GTF2B: variants seen among roughly 807,000 people sequenced by gnomAD.
GTF2B encodes the protein general transcription factor IIB.
In GTF2B, 20 loss-of-function variants were observed where a neutral mutation model predicts 34.6. The observed-to-expected ratio is 0.58, with a 90% confidence interval of 0.41 to 0.84. The LOEUF (loss-of-function observed/expected upper bound fraction) is 0.84, where lower values mean the gene tolerates loss of function less well. GTF2B is among the 40% of genes least tolerant of loss of function. The probability of loss-of-function intolerance (pLI) is 0.00; values close to 1 mark genes in which losing one functional copy is unlikely to be tolerated. For missense variants in GTF2B, 237 were observed against 393.3 expected (o/e 0.60, Z 3.36); for synonymous variants, 142 against 132.4 (o/e 1.07, Z -0.50).
chr1:88,869,125 G>A (rs1183809025), intron 2 of GTF2B, among the ~76,000 whole-genome samples: 1 of 148,880 alleles, frequency 6.7e-6, no homozygotes, highest in African/African-American at 2.6e-5. Context: ...AACATGTACA[G>A]ACATTTTTTT....
chr1:88,882,883 T>C (rs1231428149), intron 2 of GTF2B, among the ~76,000 whole-genome samples: 1 of 152,210 alleles, frequency 6.6e-6, no homozygotes, highest in East Asian at 1.9e-4. Context: ...CAACTGAAGG[T>C]TAGATGGAAC....
rs773437858 is a variant in GTF2B, at chr1:88,891,488, G to A, written c.12C>T (p.Thr4=). ...GCTCGGCGGGACATACTAACCGGCT[G>A]GTAGACGCCATCTTCACGGCGACTG... MAS[T]SRLDALPRVT... is the part of the protein sequence containing the mutation. Residue 4 remains threonine, a synonymous_variant, in exon 1 of 7, where the codon ACC becomes ACT. Transcript: ENST00000370500. 2 of 1,602,768 alleles carry A rather than the reference G, an allele frequency of 1.2e-6. No homozygotes were observed. Among genetic ancestry groups the A allele is most frequent in the South Asian group, 1.1e-5 (1 of 89,686 alleles).
At chr1:88,868,980 C>T (rs982368423) in intron 2 of GTF2B, among the ~76,000 whole-genome samples, 5 of 152,118 alleles carry the variant, frequency 3.3e-5, no homozygotes, top group African/African-American at 1.2e-4. Flanking sequence ...ACCTCGTGAT[C>T]CGCCCACCTC....
Position 88,857,470 on chromosome 1 carries a change from G to A in GTF2B, c.553C>T (p.Arg185Ter), listed in dbSNP as rs763288295. Residue 185 changes from arginine (R) to a stop codon, truncating the protein, a stop_gained, in exon 6 of 7, where the codon CGA (arginine) becomes TGA (stop). Transcript: ENST00000370500. LOFTEE classifies it high-confidence loss of function. Reference protein sequence around the residue: ...RTFKEICAVSRISKKEIGRCF... With the variant: ...RTFKEICAVS Reference sequence around the variant, plus strand: ...CGACCAATTTCTTTCTTAGAAATTCGTGATACGGCACATATTTCTAAAAGA... The same window carrying A: ...CGACCAATTTCTTTCTTAGAAATTCATGATACGGCACATATTTCTAAAAGA... The A allele has an allele frequency of 3.2e-6, 5 of 1,580,012 alleles. No individual in the cohort carries two copies. Among genetic ancestry groups the A allele is most frequent in the Non-Finnish European group, 2.6e-6 (3 of 1,149,838 alleles).
chr1:88,890,157 T>TAAC (rs557631965), intron 1 of GTF2B, among the ~76,000 whole-genome samples: 1 of 141,310 alleles, frequency 7.1e-6, no homozygotes, highest in African/African-American at 2.6e-5. Context: ...ATGATAGAAT[T>TAAC]AAAAAAAAAA....
rs1454371017 is a variant in GTF2B at position 88,884,876 on chromosome 1, C to CA, written c.124+2384dup. 2.0e-5 allele frequency among the ~76,000 whole-genome samples: 3 copies of CA among 152,200 alleles called. No homozygotes were observed. In the East Asian group the frequency reaches 5.8e-4, roughly 29 times the overall value. On this transcript the variant is annotated intron_variant, in intron 2 of 6. Transcript: ENST00000370500. ...CACCATGCCTTAAAAGCATGACATT[C>CA]AAAGTTAACTTTTCTTGTTTTGGTG...
chr1:88,875,087 A>C (rs1673789803), intron 2 of GTF2B, among the ~76,000 whole-genome samples: 1 of 152,134 alleles, frequency 6.6e-6, no homozygotes, highest in Admixed American at 6.5e-5. Context: ...AAATAATCCT[A>C]ATTTTTAGTC....
At chr1:88,859,437 G>C (rs1673388026) in intron 5 of GTF2B, among the ~76,000 whole-genome samples, 1 of 152,206 alleles carries the variant, frequency 6.6e-6, no homozygotes, top group Non-Finnish European at 1.5e-5. Context: ...GTAGGCATTG[G>C]CAAATGATGC....
At chr1:88,882,310 C>CAAAAAAAAAAAAAAAAAAAA (rs59699371) in intron 2 of GTF2B, among the ~76,000 whole-genome samples, 2 of 36,020 alleles carry the variant, frequency 5.6e-5, no homozygotes, top group African/African-American at 8.1e-5. Flanking sequence ...ACTCTCACTC[C>CAAAAAAAAAAAAAAAAAAAA]AAAAAAAAAA....
chr1:88,890,670 AATATC>A (rs1417890271), intron 1 of GTF2B, among the ~76,000 whole-genome samples: 2 of 152,160 alleles, frequency 1.3e-5, no homozygotes, highest in Non-Finnish European at 2.9e-5. Flanking sequence ...CAAAAATACT[AATATC>A]TACCTCACAG....
At chr1:88,873,879 G>T (rs1224874687) in intron 2 of GTF2B, among the ~76,000 whole-genome samples, 1 of 152,174 alleles carries the variant, frequency 6.6e-6, no homozygotes, top group Non-Finnish European at 1.5e-5. Flanking sequence ...GGGAAATAGG[G>T]TCTAGGTGAG....
intron 2 of GTF2B, among the ~76,000 whole-genome samples, chr1:88,873,491 G>A (rs548865944): frequency 1.3e-5 from 2 of 152,146 alleles, no homozygotes; most frequent in South Asian, 2.1e-4. Context: ...GAGCCACCAC[G>A]CCTGGCCAGG....
intron 6 of GTF2B, among the ~76,000 whole-genome samples, chr1:88,854,532 T>C (rs1327603550): frequency 6.6e-6 from 1 of 152,254 alleles, no homozygotes; most frequent in Non-Finnish European, 1.5e-5. Flanking sequence ...AGATGGAATC[T>C]TGCTCTGTCA....
Position 88,868,533 on chromosome 1 carries a change from T to C in GTF2B, c.125-4419A>G, listed in dbSNP as rs530065430. The stretch of plus-strand genomic sequence containing the variant: ...ACACATTAGCTCTCAATCCATATAT[T>C]AGAGTGGTGTCTAAAGAGTATTAAC... On this transcript the variant is annotated intron_variant, in intron 2 of 6. Transcript: ENST00000370500. 6.6e-5 allele frequency among the ~76,000 whole-genome samples: 10 copies of C among 152,336 alleles called. No individual in the cohort carries two copies. The East Asian group carries it at 1.9e-3, about 29-fold the overall frequency.
chr1:88,857,691 C>CTTTTTTTTTTTTTTTTTTTTTTTA (rs368010048), intron 5 of GTF2B, among the ~76,000 whole-genome samples: 1 of 108,152 alleles, frequency 9.2e-6, no homozygotes, highest in Non-Finnish European at 1.8e-5. Flanking sequence ...TTCATCACAC[C>CTTTTTTTTTTTTTTTTTTTTTTTA]TTTTTTTTTG....
At chr1:88,873,193 T>G (rs924485482) in intron 2 of GTF2B, among the ~76,000 whole-genome samples, 3 of 143,526 alleles carry the variant, frequency 2.1e-5, no homozygotes, top group African/African-American at 8.0e-5. Flanking sequence ...TTTTTTTTTT[T>G]TTTTTTTTTT....
intron 1 of GTF2B, among the ~76,000 whole-genome samples, chr1:88,889,984 G>C (rs1243372482): frequency 6.6e-6 from 1 of 152,148 alleles, no homozygotes; most frequent in African/African-American, 2.4e-5. Context: ...TGGCTGCAGT[G>C]AGCCATGATC....
intron 2 of GTF2B, 68 bp downstream of exon 2, chr1:88,887,193 A>G: frequency 1.0e-6 from 1 of 992,014 alleles, no homozygotes; most frequent in Non-Finnish European, 1.6e-6. Context: ...TGCTGGAATT[A>G]CAGGCGTGAG....
At chr1:88,872,455 T>TTAA (rs1240346677) in intron 2 of GTF2B, among the ~76,000 whole-genome samples, 3 of 74,862 alleles carry the variant, frequency 4.0e-5, no homozygotes, top group African/African-American at 9.2e-5. Context: ...TCCATCTCAA[T>TTAA]AAAAAAAAAA....
Sources: gnomAD v4.1 joint callset for allele counts (sites outside exome capture counted in the v4.1 genomes callset) on GRCh38, gnomAD v4.1.1 for gene constraint, MANE v1.5 for transcripts, NCBI Gene and HGNC (gene_info 2026-07-23, HGNC 2026-07-21) for gene names.